The following PCSK5 variants were observed in gnomAD, a reference collection of about 807,000 sequenced individuals.
The protein encoded by PCSK5 is prohormone convertase 5.
PCSK5 carries 129 observed loss-of-function variants against 233.2 expected under a neutral mutation model. The observed-to-expected ratio is 0.55, with a 90% CI of 0.48 to 0.64. The LOEUF is 0.64. PCSK5 is among the 30% of genes least tolerant of loss of function. The pLI is 0.00. For missense variants in PCSK5, 2,076 were observed against 2,430.1 expected (o/e 0.85, Z 3.06); for synonymous variants, 825 against 879.2 (o/e 0.94, Z 1.09).
In PCSK5 at chr9:76,171,246, C is replaced by T. The variant is rs148096156; in HGVS notation, c.1756+1406C>T. On this transcript the variant is annotated intron_variant, in intron 13 of 37. Transcript: ENST00000674117. ...CCTTTCTTCCTCTTTGCAGCGCATG[C>T]TTATTGCCCTGCCATGAGGTTGCAC... Among the ~76,000 whole-genome samples, 78 of 152,240 alleles carry T rather than the reference C, an allele frequency of 5.1e-4. No individual in the cohort carries two copies. The East Asian group carries it at 5.8e-3, about 11-fold the overall frequency.
In PCSK5 at chr9:76,308,862, A is replaced by C. The variant is rs1054888251; in HGVS notation, c.3688+134A>C. ...ATCACATGTTCCTATTACAGTGGCT[A>C]CTCGGGAGACACACAGGGACCCAAA... is the stretch of plus-strand genomic sequence containing the variant. On this transcript the variant is annotated intron_variant, in intron 29 of 37. Transcript: ENST00000674117. The C allele has an allele frequency of 6.8e-5, 42 of 614,676 alleles. 1 individual carries two copies. Among genetic ancestry groups the C allele is most frequent in the Admixed American group, 3.9e-4 (13 of 32,942 alleles). 38.1% of individuals were successfully genotyped at this position (614,676 alleles called of 1,614,324 possible). A position where few individuals can be genotyped will look rare whatever the true frequency, so the allele number is the denominator to read the frequency against.
intron 2 of PCSK5, among the ~76,000 whole-genome samples, chr9:75,936,419 A>G (rs118008046): frequency 0.058 from 8,829 of 152,286 alleles, 302 homozygotes; most frequent in Middle Eastern, 0.12. Flanking sequence ...ATTGGAGTCA[A>G]TCCTCTGAAA....
chr9:76,155,693 T>C (rs1300437250), intron 10 of PCSK5, among the ~76,000 whole-genome samples: 1 of 152,212 alleles, frequency 6.6e-6, no homozygotes, highest in Non-Finnish European at 1.5e-5. Context: ...AATTAATTAG[T>C]TACCAGAGTA....
At chr9:76,312,107 G>A (rs1668914110) in intron 30 of PCSK5, among the ~76,000 whole-genome samples, 1 of 152,242 alleles carries the variant, frequency 6.6e-6, no homozygotes. Flanking sequence ...CAGCCAGGAA[G>A]AATGGAGAGA....
intron 36 of PCSK5, among the ~76,000 whole-genome samples, chr9:76,351,217 G>A (rs13291141): frequency 0.26 from 39,784 of 151,664 alleles, 5,391 homozygotes; most frequent in Middle Eastern, 0.41. Context: ...CACCATAGAA[G>A]TTTCAGTCAA....
chr9:75,944,654 G>A (rs1824478150), intron 2 of PCSK5, among the ~76,000 whole-genome samples: 1 of 152,048 alleles, frequency 6.6e-6, no homozygotes, highest in African/African-American at 2.4e-5. Context: ...AAAGTTTGGA[G>A]AGCCCAGGGC....
intron 10 of PCSK5, among the ~76,000 whole-genome samples, chr9:76,154,765 A>G (rs1823817039): frequency 1.3e-5 from 2 of 152,204 alleles, no homozygotes; most frequent in African/African-American, 2.4e-5. Flanking sequence ...TCAACTGTCC[A>G]TGATGACCTG....
intron 7 of PCSK5, 32 bp from the exon 8 acceptor site, chr9:76,095,858 A>C (rs758319067): frequency 1.3e-6 from 2 of 1,595,314 alleles, no homozygotes; most frequent in East Asian, 2.2e-5. Context: ...GTCATTTCAC[A>C]CCATCATTTA....
intron 27 of PCSK5, 140 bp from the exon 28 acceptor site, chr9:76,301,997 C>A: frequency 2.7e-6 from 1 of 372,052 alleles, no homozygotes. Context: ...TACTCACACA[C>A]TCAATATGAA....
intron 24 of PCSK5, among the ~76,000 whole-genome samples, chr9:76,250,034 C>T (rs894312416): frequency 3.9e-5 from 6 of 152,146 alleles, no homozygotes; most frequent in Admixed American, 6.5e-5. Flanking sequence ...AGGCCAGGCA[C>T]GGTGGCTCAC....
intron 2 of PCSK5, among the ~76,000 whole-genome samples, chr9:75,943,131 C>T (rs555094155): frequency 3.9e-5 from 6 of 151,990 alleles, no homozygotes; most frequent in East Asian, 1.9e-4. Flanking sequence ...GTGATCCACC[C>T]GCCTCTGCCT....
At chr9:75,983,099 G>T (rs1357784747) in intron 2 of PCSK5, among the ~76,000 whole-genome samples, 1 of 151,746 alleles carries the variant, frequency 6.6e-6, no homozygotes, top group Non-Finnish European at 1.5e-5. Flanking sequence ...TCAATTTCTT[G>T]ACTTTCTATG....
intron 10 of PCSK5, among the ~76,000 whole-genome samples, chr9:76,155,463 T>C (rs1344356221): frequency 6.6e-6 from 1 of 152,232 alleles, no homozygotes; most frequent in Non-Finnish European, 1.5e-5. Flanking sequence ...CAAGACCCAG[T>C]TGCTGTCATC....
At chr9:76,123,047 T>C (rs10781338) in intron 9 of PCSK5, among the ~76,000 whole-genome samples, 66,957 of 151,630 alleles carry the variant, frequency 0.44, 15,725 homozygotes, top group Non-Finnish European at 0.51. Context: ...TTTCATCATG[T>C]TGGCCAGGCT....
intron 2 of PCSK5, among the ~76,000 whole-genome samples, chr9:75,948,138 T>C (rs1824662636): frequency 1.3e-5 from 2 of 152,128 alleles, no homozygotes; most frequent in South Asian, 4.1e-4. Context: ...TGAGCCATCA[T>C]GCCTGGCTTC....
intron 23 of PCSK5, among the ~76,000 whole-genome samples, chr9:76,240,053 T>TA (rs1446631892): frequency 6.6e-6 from 1 of 152,144 alleles, no homozygotes; most frequent in Non-Finnish European, 1.5e-5. Context: ...AGAAGGAAAT[T>TA]AAAAAACAAC....
chr9:75,979,774 CCTTT>C (rs1826195108), intron 2 of PCSK5, among the ~76,000 whole-genome samples: 1 of 152,164 alleles, frequency 6.6e-6, no homozygotes, highest in African/African-American at 2.4e-5. Flanking sequence ...TTCAAAGAGG[CCTTT>C]CTTGACCACC....
At position 75,891,064 on chromosome 9, in the gene PCSK5, G is replaced by GCGAGCTGCGGCGGCCCGGGGCTA; in HGVS notation, c.-96_-95insACGAGCTGCGGCGGCCCGGGGCT. 2 of 955,764 alleles carry GCGAGCTGCGGCGGCCCGGGGCTA rather than the reference G, an allele frequency of 2.1e-6. No homozygotes were observed. The highest frequency in any genetic ancestry group is 2.8e-6 in the Non-Finnish European group (2 of 708,642). The allele number at this position is 955,764 out of a possible 1,614,324, so 59.2% of individuals were successfully genotyped here. On this transcript the variant is annotated 5_prime_UTR_variant, in exon 1 of 38. Transcript: ENST00000674117. The stretch of plus-strand genomic sequence containing the variant: ...CGCCTCCTGCCGATCGCCCGGGGCT[G>GCGAGCTGCGGCGGCCCGGGGCTA]CGAGCTGCGGCGGCCCGGGGCTGCT...
intron 2 of PCSK5, among the ~76,000 whole-genome samples, chr9:75,940,203 C>A (rs1824236008): frequency 6.6e-6 from 1 of 152,200 alleles, no homozygotes; most frequent in Non-Finnish European, 1.5e-5. Context: ...TGGTTATAAT[C>A]TGCTTGCCTG....
Sources: gnomAD v4.1 joint callset for allele counts (sites outside exome capture counted in the v4.1 genomes callset) on GRCh38, gnomAD v4.1.1 for gene constraint, MANE v1.5 for transcripts, NCBI Gene and HGNC (gene_info 2026-07-23, HGNC 2026-07-21) for gene names.